GALNT14: variants seen among roughly 807,000 people sequenced by gnomAD.
GALNT14 encodes UDP-GalNAc:polypeptide N-acetylgalactosaminyltransferase 14.
A neutral mutation model predicts 77.5 loss-of-function variants in GALNT14; 60 were observed. The ratio of observed to expected loss-of-function variants is 0.77; its 90% CI spans 0.63 to 0.96. The LOEUF is 0.96. Ranked by LOEUF, GALNT14 falls within the 40% of genes least tolerant of loss-of-function variation. The pLI is 0.00. For missense variants in GALNT14, 710 were observed against 731.0 expected, an observed-to-expected ratio of 0.97 and a Z score of 0.33; for synonymous variants, 280 against 281.7, an observed-to-expected ratio of 0.99 and a Z score of 0.06.
chr2:31,014,188 GC>G (rs1448983500), intron 1 of GALNT14, among the ~76,000 whole-genome samples: 1 of 152,174 alleles, frequency 6.6e-6, no homozygotes, highest in African/African-American at 2.4e-5. Flanking sequence ...AAAAGCAGTG[GC>G]TTGCACATAG....
chr2:30,967,871 C>A (rs953730963), intron 2 of GALNT14, among the ~76,000 whole-genome samples: 5 of 152,200 alleles, frequency 3.3e-5, no homozygotes, highest in African/African-American at 1.2e-4. Flanking sequence ...CTTCTACACC[C>A]TTCAAAATCA....
intron 11 of GALNT14, among the ~76,000 whole-genome samples, chr2:30,926,163 G>C (rs891368694): frequency 6.6e-6 from 1 of 152,172 alleles, no homozygotes; most frequent in African/African-American, 2.4e-5. Context: ...AGGATGTCAG[G>C]TTTCTAAAAT....
At chr2:31,046,619 G>A (rs1673483346) in intron 1 of GALNT14, among the ~76,000 whole-genome samples, 1 of 70,378 alleles carries the variant, frequency 1.4e-5, no homozygotes, top group Non-Finnish European at 3.0e-5. Context: ...ACATTATGTA[G>A]TTGGAAACTT....
chr2:31,006,407 C>T lies in GALNT14; in HGVS notation c.130-13400G>A, dbSNP rs187244690. 1.2e-4 allele frequency among the ~76,000 whole-genome samples: 18 copies of T among 152,246 alleles called. No individual in the cohort carries two copies. In the South Asian group the frequency reaches 2.9e-3, roughly 25 times the overall value. On this transcript the variant is annotated intron_variant, in intron 1 of 14. Transcript: ENST00000349752. ...CAGGCTCTATCCTAAGAATGTCCCT[C>T]GTTCTATACTCAGAACAAACCCAAG...
At chr2:31,061,670 T>G (rs1044188261) in intron 1 of GALNT14, among the ~76,000 whole-genome samples, 1 of 143,964 alleles carries the variant, frequency 6.9e-6, no homozygotes, top group Non-Finnish European at 1.5e-5. Context: ...CTAAGAAACC[T>G]GATACTCCAA....
At chr2:30,916,061 T>C (rs1243597200) in intron 13 of GALNT14, among the ~76,000 whole-genome samples, 2 of 152,158 alleles carry the variant, frequency 1.3e-5, no homozygotes, top group Non-Finnish European at 2.9e-5. Context: ...ACCTCCATGA[T>C]TTAGCAGGAG....
chr2:31,013,562 C>T lies in GALNT14; in HGVS notation c.130-20555G>A, dbSNP rs370830490. 9.8e-4 allele frequency among the ~76,000 whole-genome samples: 150 copies of T among 152,312 alleles called. 2 individuals carry two copies. In the South Asian group the frequency reaches 0.018, roughly 19 times the overall value. On this transcript the variant is annotated intron_variant, in intron 1 of 14. Transcript: ENST00000349752. ...CCAAATGTGACCAGAAGCATTTTAA[C>T]CTGCTGAGGTGCCGTTCAAGTACGG...
At chr2:30,889,961 C>CGTGA in the GALNT14 span, among the ~76,000 whole-genome samples, 4 of 152,100 alleles carry the variant, frequency 2.6e-5, no homozygotes, top group Admixed American at 2.6e-4. Context: ...TGCATTAAAC[C>CGTGA]GTGAGTATTT....
chr2:30,950,058 AG>A (rs1666935977), intron 6 of GALNT14, among the ~76,000 whole-genome samples: 1 of 152,250 alleles, frequency 6.6e-6, no homozygotes, highest in Non-Finnish European at 1.5e-5. Flanking sequence ...CATCTATAAA[AG>A]AAAGACAAAT....
At chr2:31,006,150 C>G (rs777892482) in intron 1 of GALNT14, among the ~76,000 whole-genome samples, 32 of 152,208 alleles carry the variant, frequency 2.1e-4, no homozygotes, top group Admixed American at 3.3e-4. Flanking sequence ...GCCGGTCCAA[C>G]AGTCACACTC....
At chr2:30,891,153 G>A in the GALNT14 span, among the ~76,000 whole-genome samples, 1 of 152,172 alleles carries the variant, frequency 6.6e-6, no homozygotes, top group Non-Finnish European at 1.5e-5. Flanking sequence ...CATGAGACAT[G>A]GGAGGAAAGG....
At chr2:31,048,593 C>CGCCCTCCTG (rs1553366915) in intron 1 of GALNT14, among the ~76,000 whole-genome samples, 5 of 108,160 alleles carry the variant, frequency 4.6e-5, no homozygotes, top group Non-Finnish European at 8.2e-5. Flanking sequence ...CCTCCCCACC[C>CGCCCTCCTG]CCACTCCTGC....
intron 1 of GALNT14, among the ~76,000 whole-genome samples, chr2:31,018,201 T>C (rs1409293393): frequency 6.6e-6 from 1 of 152,268 alleles, no homozygotes; most frequent in Non-Finnish European, 1.5e-5. Context: ...CAGGTACCCC[T>C]GGCCCAGGCC....
chr2:30,992,501 T>C (rs2148403708), intron 2 of GALNT14, among the ~76,000 whole-genome samples: 1 of 152,256 alleles, frequency 6.6e-6, no homozygotes, highest in East Asian at 1.9e-4. Context: ...TGTGGGAATC[T>C]GCCAGGGAAA....
the GALNT14 span, among the ~76,000 whole-genome samples, chr2:30,897,454 C>G: frequency 1.3e-5 from 2 of 152,158 alleles, no homozygotes; most frequent in Admixed American, 6.5e-5. Context: ...TGAAGAGAGG[C>G]AGAATTCAGG....
At chr2:30,991,030 C>G (rs1245113685) in intron 2 of GALNT14, 2 of 152,280 alleles carry the variant, frequency 1.3e-5, no homozygotes, top group Non-Finnish European at 2.9e-5. Context: ...CACCTACCAC[C>G]ACATATGCCT....
intron 1 of GALNT14, among the ~76,000 whole-genome samples, chr2:31,028,467 T>C (rs1403401313): frequency 6.6e-6 from 1 of 152,156 alleles, no homozygotes; most frequent in Non-Finnish European, 1.5e-5. Context: ...AGATTCAGGG[T>C]TTCAGGGCAA....
intron 1 of GALNT14, among the ~76,000 whole-genome samples, chr2:31,007,221 C>T (rs1044418530): frequency 3.9e-5 from 6 of 152,098 alleles, no homozygotes; most frequent in South Asian, 2.1e-4. Context: ...CTACAGGCGA[C>T]GTGGCAAGTG....
intron 3 of GALNT14, among the ~76,000 whole-genome samples, chr2:30,961,024 C>G (rs1667660557): frequency 6.6e-6 from 1 of 152,234 alleles, no homozygotes; most frequent in Non-Finnish European, 1.5e-5. Context: ...CTGCTGCACC[C>G]TAACTATTGG....
Sources: allele counts gnomAD v4.1 joint callset (sites outside exome capture counted in the v4.1 genomes callset), GRCh38; gene constraint gnomAD v4.1.1; transcripts MANE v1.5; gene names NCBI Gene and HGNC (gene_info 2026-07-23, HGNC 2026-07-21).